The following RAB30 variants were observed in gnomAD, a reference collection of about 807,000 sequenced individuals.
RAB30 encodes ras-related protein Rab-30.
RAB30 carries 9 observed loss-of-function variants against 25.1 expected under a neutral mutation model. The observed-to-expected ratio is 0.36, with a 90% CI of 0.22 to 0.63. The LOEUF (loss-of-function observed/expected upper bound fraction) is 0.63. Ranked by LOEUF, RAB30 falls within the 20% of genes least tolerant of loss-of-function variation. The pLI, the probability that RAB30 is intolerant of heterozygous loss-of-function variation, is 0.69. For synonymous variants in RAB30, 77 were observed against 86.4 expected, an observed-to-expected ratio of 0.89 and a Z score of 0.60; for missense variants, 140 against 243.5, an observed-to-expected ratio of 0.58 and a Z score of 2.83.
At chr11:83,042,226 T>C (rs1367457541) in intron 1 of RAB30, among the ~76,000 whole-genome samples, 3 of 151,932 alleles carry the variant, frequency 2.0e-5, no homozygotes, top group Non-Finnish European at 2.9e-5. Context: ...GTTGATGTGA[T>C]TGGAAGGATG....
chr11:82,994,821 A>G (rs561557374), intron 2 of RAB30, among the ~76,000 whole-genome samples: 2 of 152,288 alleles, frequency 1.3e-5, no homozygotes, highest in African/African-American at 4.8e-5. Flanking sequence ...GTCATCAAGG[A>G]GACAGTAGGG....
chr11:83,004,135 T>C (rs1416758460), intron 1 of RAB30, among the ~76,000 whole-genome samples: 2 of 152,226 alleles, frequency 1.3e-5, no homozygotes, highest in East Asian at 3.8e-4. Context: ...CTTTTATATA[T>C]GCCTTGCTAC....
chr11:83,065,093 A>AT (rs1001913073), intron 1 of RAB30, among the ~76,000 whole-genome samples: 155 of 149,792 alleles, frequency 1.0e-3, no homozygotes, highest in African/African-American at 3.0e-3. Context: ...TTATGGTTAG[A>AT]TTTTTTTTTT....
intron 1 of RAB30, among the ~76,000 whole-genome samples, chr11:83,044,285 G>A (rs1205544815): frequency 6.6e-6 from 1 of 152,152 alleles, no homozygotes; most frequent in Non-Finnish European, 1.5e-5. Flanking sequence ...ACAACCTAAT[G>A]AAAGCCTTCT....
At position 82,978,769 on chromosome 11, in the gene RAB30, C is replaced by A. The variant is rs1856589722; in HGVS notation, c.*3396G>T. The stretch of plus-strand genomic sequence containing the variant: ...GAATGAAAGAAGATAAGAACCCAGT[C>A]CTTTGCTAAATCTGGCGTCTCTGGC... On this transcript the variant is annotated 3_prime_UTR_variant, in exon 5 of 5. Transcript: ENST00000527633. 1 of 152,154 alleles carries A rather than the reference C, an allele frequency of 6.6e-6. No individual in the cohort carries two copies. Among genetic ancestry groups the A allele is most frequent in the Non-Finnish European group, 1.5e-5 (1 of 68,028 alleles). 9.4% of individuals were successfully genotyped at this position (152,154 alleles called of 1,614,324 possible). A position where few individuals can be genotyped will look rare whatever the true frequency, so the allele number is the denominator to read the frequency against.
intron 1 of RAB30, among the ~76,000 whole-genome samples, chr11:83,050,530 T>C (rs1858335127): frequency 6.6e-6 from 1 of 152,214 alleles, no homozygotes; most frequent in South Asian, 2.1e-4. Flanking sequence ...AGGCAGAAGC[T>C]GAATTTGTTT....
chr11:82,986,521 C>T (rs571583802), intron 4 of RAB30, among the ~76,000 whole-genome samples: 1 of 152,206 alleles, frequency 6.6e-6, no homozygotes, highest in Non-Finnish European at 1.5e-5. Flanking sequence ...CTCTCAAATG[C>T]TTTATGGCAA....
At chr11:83,063,819 A>G (rs1251277395) in intron 1 of RAB30, among the ~76,000 whole-genome samples, 2 of 152,344 alleles carry the variant, frequency 1.3e-5, no homozygotes, top group East Asian at 1.9e-4. Flanking sequence ...CCACAAATTC[A>G]TAATAAAATG....
intron 4 of RAB30, among the ~76,000 whole-genome samples, 165 bp from the exon 5 acceptor site, chr11:82,982,580 C>T (rs1007167854): frequency 2.6e-5 from 4 of 152,018 alleles, no homozygotes; most frequent in African/African-American, 9.7e-5. Context: ...AATATGAGTG[C>T]CAGCTGGGCG....
In RAB30 at chr11:82,980,288, A is replaced by G. The variant is rs1856615954; in HGVS notation, c.*1877T>C. 1.3e-5 allele frequency: 2 copies of G among 152,210 alleles called. No individual in the cohort carries two copies. The highest frequency in any genetic ancestry group is 6.5e-5 in the Admixed American group (1 of 15,282). The allele number at this position is 152,210 out of a possible 1,614,324, so 9.4% of individuals were successfully genotyped here. A position where few individuals can be genotyped will look rare whatever the true frequency, so the allele number is the denominator to read the frequency against. On this transcript the variant is annotated 3_prime_UTR_variant, in exon 5 of 5. Transcript: ENST00000527633. ...AGATTCTAAAAGAAAAACAAGTCAA[A>G]CTTCTGGGATGCCTTTCTCTTTCCC...
intron 1 of RAB30, among the ~76,000 whole-genome samples, chr11:83,050,131 T>G (rs1437893122): frequency 6.6e-6 from 1 of 152,002 alleles, no homozygotes; most frequent in Non-Finnish European, 1.5e-5. Flanking sequence ...GGCATGGTGG[T>G]GCATGCCTGT....
chr11:83,042,189 T>C (rs1460627153), intron 1 of RAB30, among the ~76,000 whole-genome samples: 2 of 152,148 alleles, frequency 1.3e-5, no homozygotes, highest in Non-Finnish European at 1.5e-5. Flanking sequence ...TCAGACTAGA[T>C]ATACAATAGG....
rs953828136 is a variant in RAB30, at chr11:82,975,021, T to C, written c.*7144A>G. The C allele has an allele frequency of 1.3e-5, 2 of 151,446 alleles. No homozygotes were observed. The highest frequency in any genetic ancestry group is 6.6e-5 in the Admixed American group (1 of 15,200). 9.4% of individuals were successfully genotyped at this position (151,446 alleles called of 1,614,324 possible). A position where few individuals can be genotyped will look rare whatever the true frequency, so the allele number is the denominator to read the frequency against. ...CAAATACATTTATGTAGCTCCCTTATATACTATCAAAGGAGCTCCAACCAT... is the reference window on the plus strand; with the variant it reads ...CAAATACATTTATGTAGCTCCCTTACATACTATCAAAGGAGCTCCAACCAT... On this transcript the variant is annotated 3_prime_UTR_variant, in exon 5 of 5. Transcript: ENST00000527633.
At chr11:83,067,119 C>T (rs551412799) in intron 1 of RAB30, among the ~76,000 whole-genome samples, 1 of 152,128 alleles carries the variant, frequency 6.6e-6, no homozygotes, top group East Asian at 1.9e-4. Flanking sequence ...ATCACCCCTA[C>T]CCCCTAGCCT....
At chr11:83,003,842 C>G (rs1211710679) in intron 1 of RAB30, among the ~76,000 whole-genome samples, 2 of 151,742 alleles carry the variant, frequency 1.3e-5, no homozygotes, top group African/African-American at 4.8e-5. Context: ...GGTATTTTCC[C>G]AAAACCCAAA....
At chr11:83,068,285 C>T (rs1434792023) in intron 1 of RAB30, among the ~76,000 whole-genome samples, 1 of 149,422 alleles carries the variant, frequency 6.7e-6, no homozygotes, top group Non-Finnish European at 1.5e-5. Flanking sequence ...GCAACAAGAG[C>T]AAAACTCTGT....
intron 3 of RAB30, among the ~76,000 whole-genome samples, chr11:82,989,603 C>T (rs1025615855): frequency 1.3e-5 from 2 of 152,230 alleles, no homozygotes; most frequent in Non-Finnish European, 2.9e-5. Flanking sequence ...CTGCACTGAG[C>T]CCCTAAAACA....
rs1272136189 is a variant in RAB30, at chr11:82,977,993, A to T, written c.*4172T>A. 1 of 152,228 alleles carries T rather than the reference A, an allele frequency of 6.6e-6. No homozygotes were observed. Among genetic ancestry groups the T allele is most frequent in the Admixed American group, 6.5e-5 (1 of 15,284 alleles). 9.4% of individuals were successfully genotyped at this position (152,228 alleles called of 1,614,324 possible). On this transcript the variant is annotated 3_prime_UTR_variant, in exon 5 of 5. Transcript: ENST00000527633. ...AAATAGGCTCATGCCACAGAAATGA[A>T]ATCCAAAAAGAAAGTAAAGAAAACA... is the stretch of plus-strand genomic sequence containing the variant.
Position 82,989,535 on chromosome 11 carries a change from G to A in RAB30, c.178-1765C>T, listed in dbSNP as rs541417649. Among the ~76,000 whole-genome samples, 74 of 152,296 alleles carry A rather than the reference G, an allele frequency of 4.9e-4. 1 individual carries two copies. Among genetic ancestry groups the A allele is most frequent in the African/African-American group, 1.7e-3 (71 of 41,562 alleles). On this transcript the variant is annotated intron_variant, in intron 3 of 4. Coordinates refer to ENST00000527633, the MANE Select transcript of RAB30 (RefSeq NM_001286060.2). ...ATTTCTCTTCTCTGCCTCAAACCTAGGGACACGGTTCCCCTCTGCCAGGAT... is the reference window on the plus strand; with the variant it reads ...ATTTCTCTTCTCTGCCTCAAACCTAAGGACACGGTTCCCCTCTGCCAGGAT...
Sources: allele counts gnomAD v4.1 joint callset (sites outside exome capture counted in the v4.1 genomes callset), GRCh38; gene constraint gnomAD v4.1.1; transcripts MANE v1.5; gene names NCBI Gene and HGNC (gene_info 2026-07-23, HGNC 2026-07-21).